The following DNAH1 variants were observed in gnomAD, a reference collection of about 807,000 sequenced individuals.
DNAH1 encodes the protein axonemal beta dynein heavy chain 1.
DNAH1 carries 327 observed loss-of-function variants against 484.3 expected under a neutral mutation model. The ratio of observed to expected loss-of-function variants is 0.68; its 90% CI spans 0.62 to 0.74. The LOEUF (loss-of-function observed/expected upper bound fraction) is 0.74, where lower values mean the gene tolerates loss of function less well. Among genes scored for constraint, DNAH1 ranks in the 30% least tolerant of loss-of-function variants. DNAH1 has a pLI of 0.00. For missense variants in DNAH1, 5,052 were observed against 5,546.8 expected (o/e 0.91, Z 2.83); for synonymous variants, 2,192 against 2,191.9 (o/e 1.00, Z 0.00).
At chr3:52,329,914 T>C (rs1701481421) in intron 6 of DNAH1, among the ~76,000 whole-genome samples, 1 of 152,126 alleles carries the variant, frequency 6.6e-6, no homozygotes, top group Non-Finnish European at 1.5e-5. Flanking sequence ...GTTTAAATAA[T>C]TTTTGTGCCT....
chr3:52,385,978 G>A (rs1021057480), intron 54 of DNAH1, among the ~76,000 whole-genome samples, 182 bp from the exon 55 acceptor site: 4 of 152,206 alleles, frequency 2.6e-5, no homozygotes, highest in African/African-American at 7.2e-5. Context: ...CAAGCCACAC[G>A]CCAGGCCCAT....
At chr3:52,343,626 T>G (rs986556219) in intron 8 of DNAH1, among the ~76,000 whole-genome samples, 1 of 152,052 alleles carries the variant, frequency 6.6e-6, no homozygotes, top group Non-Finnish European at 1.5e-5. Flanking sequence ...ATCCCGCAGC[T>G]CTGGTGCAAG....
Position 52,326,167 on chromosome 3 carries a change from TC to T in DNAH1, c.436del (p.Gln146ArgfsTer55), listed in dbSNP as rs1701330284. On this transcript the variant is annotated frameshift_variant, in exon 4 of 78. Transcript: ENST00000420323. LOFTEE classifies it high-confidence loss of function. ...RVGSFEVPED[F>X]QERMEQQCIG... ...GGAAGCTTTGAGGTTCCTGAAGACT[TC>T]CAGGAGCGCATGGAGCAGCAGTGCA... 5.6e-6 allele frequency: 9 copies of T among 1,611,440 alleles called. No individual in the cohort carries two copies. The highest frequency in any genetic ancestry group is 7.6e-6 in the Non-Finnish European group (9 of 1,178,712).
intron 8 of DNAH1, 111 bp from the exon 9 acceptor site, chr3:52,344,379 G>A (rs1326341101): frequency 1.5e-5 from 20 of 1,344,992 alleles, no homozygotes; most frequent in Admixed American, 2.5e-5. Context: ...ATCCAGAAGG[G>A]AAGCCCTAAA....
In DNAH1 at chr3:52,395,670, C is replaced by G. The variant is rs1371620189; in HGVS notation, c.11251C>G (p.Pro3751Ala). The change falls in exon 70 of 78, where the codon CCC becomes GCC. Residue 3751 changes from proline (P) to alanine (A), a missense_variant. Around this residue, in one of 4 missense-constraint regions of DNAH1, gnomAD observed 853 missense variants for 899.0 expected, o/e 0.95. Coordinates refer to ENST00000420323, the MANE Select transcript of DNAH1 (RefSeq NM_015512.5). The surrounding 1 kb of genome is among the most constrained non-coding windows in gnomAD (Gnocchi z 4.4). ...AGAACGCCTCATCGAGCACATCAAC[C>G]CCGACAAGGTGTGTTGCCCTGCCCA... ...ALERLIEHIN[P>A]DKVHRDFRLW... 2 of 1,613,340 alleles carry G rather than the reference C, an allele frequency of 1.2e-6. No individual in the cohort carries two copies. The highest frequency in any genetic ancestry group is 8.5e-7 in the Non-Finnish European group (1 of 1,179,716).
rs142634646 is a variant in DNAH1 at position 52,328,756 on chromosome 3, C to T, written c.871+742C>T. 3.0e-3 allele frequency among the ~76,000 whole-genome samples: 454 copies of T among 152,354 alleles called. 3 individuals are homozygous for T. The highest frequency in any genetic ancestry group is 0.01 in the Middle Eastern group (3 of 294). ...TCCGCAGCTGACATCTCGGCCTGCA[C>T]GGCTGGGTGTCGATGCAACATCCTA... On this transcript the variant is annotated intron_variant, in intron 6 of 77. Transcript: ENST00000420323.
At chr3:52,323,776 C>T in intron 2 of DNAH1, 32 bp from the exon 3 acceptor site, 3 of 1,564,204 alleles carry the variant, frequency 1.9e-6, no homozygotes, top group Non-Finnish European at 2.6e-6. Flanking sequence ...GGGAGGTTGA[C>T]ACATACTCAG....
chr3:52,389,083 C>A (rs1704251328), intron 59 of DNAH1, 146 bp downstream of exon 59: 1 of 1,091,952 alleles, frequency 9.2e-7, no homozygotes, highest in Non-Finnish European at 1.3e-6. Context: ...GGCTCCCTCT[C>A]TGAGCCAGGC....
chr3:52,312,606 G>T (rs180952089), upstream of DNAH1, among the ~76,000 whole-genome samples: 1 of 152,032 alleles, frequency 6.6e-6, no homozygotes, highest in African/African-American at 2.4e-5. Context: ...ATGTAGCTGG[G>T]ACTACAGGGA....
Position 52,368,273 on chromosome 3 carries a change from C to T in DNAH1, c.5766-468C>T, listed in dbSNP as rs965347494. ...TATATGGGCACCTAGGAGAAGGTTC[C>T]GGAGCCTAAGGCTGGACCAAGCACA... On this transcript the variant is annotated intron_variant, in intron 36 of 77. Transcript: ENST00000420323. This position sits in a 1 kb window ranked among gnomAD's most constrained non-coding sequence, Gnocchi z 4.4. Among the ~76,000 whole-genome samples the T allele has an allele frequency of 6.6e-6, 1 of 152,150 alleles. No homozygotes were observed. Among genetic ancestry groups the T allele is most frequent in the Non-Finnish European group, 1.5e-5 (1 of 68,024 alleles).
At chr3:52,322,356 G>C (rs951295710) in intron 1 of DNAH1, 53 bp from the exon 2 acceptor site, 31 of 1,296,858 alleles carry the variant, frequency 2.4e-5, no homozygotes, top group Non-Finnish European at 3.2e-5. Flanking sequence ...CATGTGTCTC[G>C]GGGCTAAGAC....
At position 52,386,799 on chromosome 3, in the gene DNAH1, G is replaced by A. The variant is rs750503508; in HGVS notation, c.8949G>A (p.Lys2983=). 3 of 1,593,160 alleles carry A rather than the reference G, an allele frequency of 1.9e-6. No homozygotes were observed. In the South Asian group the frequency reaches 3.4e-5, roughly 18 times the overall value. Residue 2983 remains lysine, a synonymous_variant, in exon 56 of 78, where the codon AAG becomes AAA. Coordinates refer to ENST00000420323, the MANE Select transcript of DNAH1 (RefSeq NM_015512.5). ...TKVDDYWEPG[K]GLLQDPGHFL... is the part of the protein sequence containing the mutation. ...TGGATGACTACTGGGAGCCTGGCAA[G>A]GGGCTGCTGCAGGACCCGGGCCACT...
At chr3:52,391,671 C>T (rs1002493919) in intron 63 of DNAH1, 68 bp downstream of exon 63, 28 of 1,582,616 alleles carry the variant, frequency 1.8e-5, no homozygotes, top group Non-Finnish European at 2.2e-5. Context: ...GCTCCTCTCC[C>T]ACCCCCAGGC....
chr3:52,382,287 C>T (rs371444336), intron 49 of DNAH1, 33 bp from the exon 50 acceptor site: 17 of 1,613,798 alleles, frequency 1.1e-5, no homozygotes, highest in Middle Eastern at 1.6e-4. Flanking sequence ...CCCCAAGTCC[C>T]TGGCATGCTT....
In DNAH1 at chr3:52,352,760, C is replaced by T. The variant is rs1275980544; in HGVS notation, c.3027+53C>T. ...CATGCCCCCAGGCTTGAGGAAGCAGCTCATGTAGATGCAGCTGCCAGGAGG... is the reference window on the plus strand; with the variant it reads ...CATGCCCCCAGGCTTGAGGAAGCAGTTCATGTAGATGCAGCTGCCAGGAGG... On this transcript the variant is annotated intron_variant, in intron 18 of 77. Coordinates refer to ENST00000420323, the MANE Select transcript of DNAH1 (RefSeq NM_015512.5). The T allele has an allele frequency of 5.7e-6, 9 of 1,571,096 alleles. No individual in the cohort carries two copies. In the Admixed American group the frequency reaches 1.1e-4, roughly 18 times the overall value.
upstream of DNAH1, among the ~76,000 whole-genome samples, chr3:52,315,896 G>A (rs1437674715): frequency 5.9e-5 from 9 of 152,242 alleles, no homozygotes; most frequent in Non-Finnish European, 8.8e-5. Flanking sequence ...CCAGGGAGGA[G>A]GGAGGCAGTC....
intron 37 of DNAH1, 100 bp from the exon 38 acceptor site, chr3:52,369,725 C>G: frequency 1.5e-6 from 2 of 1,314,062 alleles, no homozygotes; most frequent in South Asian, 1.5e-5. Flanking sequence ...CCACACCGCC[C>G]ACTTACAGGA....
Position 52,358,725 on chromosome 3 carries a change from G to A in DNAH1, c.4254G>A (p.Arg1418=). ...SVHDIIEKAI[R]AYPTMPRTQW... ...ACGACATCATTGAGAAGGCCATCAG[G>A]GCCTACCCCACGGTGAGCCGCCCGC... Residue 1418 remains arginine, a synonymous_variant, in exon 25 of 78, where the codon AGG becomes AGA. Coordinates refer to ENST00000420323, the MANE Select transcript of DNAH1 (RefSeq NM_015512.5). This position sits in a 1 kb window ranked among gnomAD's most constrained non-coding sequence, Gnocchi z 4.2. 6.2e-7 allele frequency: 1 copy of A among 1,612,598 alleles called. No individual in the cohort carries two copies. The highest frequency in any genetic ancestry group is 1.1e-5 in the South Asian group (1 of 91,026).
intron 22 of DNAH1, among the ~76,000 whole-genome samples, chr3:52,357,241 C>T (rs1702650892): frequency 6.6e-6 from 1 of 151,892 alleles, no homozygotes; most frequent in African/African-American, 2.4e-5. Context: ...TTTAGTGGAG[C>T]CGGGATTTCA....
Sources: allele counts gnomAD v4.1 joint callset (sites outside exome capture counted in the v4.1 genomes callset), GRCh38; gene constraint gnomAD v4.1.1; regional missense constraint gnomAD v4.1.1; non-coding constraint Gnocchi (gnomAD v3.1); transcripts MANE v1.5; gene names NCBI Gene and HGNC (gene_info 2026-07-23, HGNC 2026-07-21).